PRR12: variants seen among roughly 807,000 people sequenced by gnomAD.
The protein encoded by PRR12 is proline-rich protein 12.
PRR12 carries 12 observed loss-of-function variants against 138.0 expected under a neutral mutation model. That is an observed-to-expected ratio of 0.09 (90% confidence interval 0.06 to 0.14). PRR12 has a LOEUF of 0.14. Ranked by LOEUF, PRR12 falls within the 10% of genes least tolerant of loss-of-function variation. PRR12 has a pLI of 1.00. For synonymous variants in PRR12, 1,567 were observed against 1,291.7 expected (o/e 1.21, Z -4.57); for missense variants, 2,692 against 2,861.3 (o/e 0.94, Z 1.35).
At chr19:49,600,146 A>G (rs2080802128) in intron 5 of PRR12, among the ~76,000 whole-genome samples, 1 of 152,192 alleles carries the variant, frequency 6.6e-6, no homozygotes, top group South Asian at 2.1e-4. Context: ...TAAGTGGACT[A>G]GGAGGGGCCC....
At position 49,625,380 on chromosome 19, in the gene PRR12, C is replaced by T; in HGVS notation, c.5965-81C>T. On this transcript the variant is annotated intron_variant, in intron 13 of 13. Transcript: ENST00000418929. This position sits in a 1 kb window ranked among gnomAD's most constrained non-coding sequence, Gnocchi z 5.5. Reference sequence around the variant, plus strand: ...CTCCCTGGGACACTGACATCTGACACCCCAGGCCCCATGCCCCAGCCCCTT... The same window carrying T: ...CTCCCTGGGACACTGACATCTGACATCCCAGGCCCCATGCCCCAGCCCCTT... 1 of 1,472,626 alleles carries T rather than the reference C, an allele frequency of 6.8e-7. No homozygotes were observed. Among genetic ancestry groups the T allele is most frequent in the Non-Finnish European group, 9.1e-7 (1 of 1,093,664 alleles). 91.2% of individuals were successfully genotyped at this position (1,472,626 alleles called of 1,614,324 possible).
chr19:49,596,962 C>A lies in PRR12; in HGVS notation c.2627C>A (p.Pro876Gln). Residue 876 changes from proline (P) to glutamine (Q), a missense_variant, in exon 4 of 14, where the codon CCG becomes CAG. Pro to Gln is a moderately conservative substitution (Grantham distance 76). Transcript: ENST00000418929. The surrounding 1 kb of genome is among the most constrained non-coding windows in gnomAD (Gnocchi z 5.6). ...CTGCGACCCGAGGAGAGCCTGGATC[C>A]GCCAGGCGCCATGCAGGAATTGCTC... Reference protein sequence around the residue: ...PRLRPEESLDPPGAMQELLGA... With the variant: ...PRLRPEESLDQPGAMQELLGA... The A allele has an allele frequency of 1.9e-6, 3 of 1,552,104 alleles. No individual in the cohort carries two copies. The highest frequency in any genetic ancestry group is 1.2e-5 in the South Asian group (1 of 84,854).
intron 6 of PRR12, among the ~76,000 whole-genome samples, chr19:49,611,784 G>A (rs1447662878): frequency 2.0e-5 from 3 of 147,012 alleles, no homozygotes; most frequent in East Asian, 2.0e-4. Context: ...ATAGCCGGGC[G>A]TGGTGGCGGG....
intron 6 of PRR12, among the ~76,000 whole-genome samples, chr19:49,602,289 T>C (rs2080816697): frequency 6.6e-6 from 1 of 152,180 alleles, no homozygotes; most frequent in African/African-American, 2.4e-5. Flanking sequence ...AGGGAGCTTC[T>C]AGTTTAATGG....
chr19:49,608,869 A>G (rs772483542), intron 6 of PRR12, among the ~76,000 whole-genome samples: 7 of 152,040 alleles, frequency 4.6e-5, no homozygotes, highest in Non-Finnish European at 8.8e-5. Context: ...AAACAAATCA[A>G]TCTCAAAAGC....
At position 49,594,210 on chromosome 19, in the gene PRR12, C is replaced by G. The variant is rs147019186; in HGVS notation, c.200-244C>G. On this transcript the variant is annotated intron_variant, in intron 2 of 13. Transcript: ENST00000418929. This position sits in a 1 kb window ranked among gnomAD's most constrained non-coding sequence, Gnocchi z 5.6. ...TACACTTTTGTCTACCATTTCCTAC[C>G]TGGGCCCCCTGTCCTTATGACTGGA... Among the ~76,000 whole-genome samples, 1 of 152,312 alleles carries G rather than the reference C, an allele frequency of 6.6e-6. No homozygotes were observed. The highest frequency in any genetic ancestry group is 2.4e-5 in the African/African-American group (1 of 41,576).
In PRR12 at chr19:49,614,034, G is replaced by A. The variant is rs1237409544; in HGVS notation, c.4774-499G>A. Among the ~76,000 whole-genome samples, 2 of 152,060 alleles carry A rather than the reference G, an allele frequency of 1.3e-5. No individual in the cohort carries two copies. The highest frequency in any genetic ancestry group is 2.4e-5 in the African/African-American group (1 of 41,400). On this transcript the variant is annotated intron_variant, in intron 6 of 13. Transcript: ENST00000418929. The surrounding 1 kb of genome is among the most constrained non-coding windows in gnomAD (Gnocchi z 5.0). The stretch of plus-strand genomic sequence containing the variant: ...GAGGCAGAAGAATCGGCTTGAACCC[G>A]GGAGGCGGAGGTCGCAGTGAGCTGA...
rs755194595 is a variant in PRR12, at chr19:49,601,750, C to T, written c.4605C>T (p.Pro1535=). The T allele has an allele frequency of 2.5e-4, 385 of 1,568,148 alleles. No individual in the cohort carries two copies. Among genetic ancestry groups the T allele is most frequent in the South Asian group, 4.7e-4 (40 of 85,990 alleles). The change falls in exon 6 of 14, where the codon CCC becomes CCT. Residue 1535 remains proline, a synonymous_variant. Coordinates refer to ENST00000418929, the MANE Select transcript of PRR12 (RefSeq NM_020719.3). ...CTGAGGAGCCCGCCGCCCCGTCTCC[C>T]GAAGACCCCGAGCTGCCGGACACCC... ...APPEEPAAPS[P]EDPELPDTRP... is the part of the protein sequence containing the mutation.
rs1410773988 is a variant in PRR12, at chr19:49,594,774, G to A, written c.439G>A (p.Ala147Thr). 1.2e-6 allele frequency: 2 copies of A among 1,613,324 alleles called. No homozygotes were observed. Among genetic ancestry groups the A allele is most frequent in the South Asian group, 2.2e-5 (2 of 91,050 alleles). Residue 147 changes from alanine to threonine, a missense_variant, in exon 4 of 14, where the codon GCC (alanine) becomes ACC (threonine). This residue lies in a region of PRR12 where 211 missense variants were observed against 266.3 expected (regional missense o/e 0.79). Coordinates refer to ENST00000418929, the MANE Select transcript of PRR12 (RefSeq NM_020719.3). The surrounding 1 kb of genome is among the most constrained non-coding windows in gnomAD (Gnocchi z 5.6). ...TTCCAGCACCTTTCCGTCCTCATCT[G>A]CCCTGTCGGCTTACCAACACCCGGC... ...PGSSTFPSSS[A>T]LSAYQHPASF...
intron 6 of PRR12, among the ~76,000 whole-genome samples, chr19:49,612,467 G>T (rs2080871848): frequency 6.6e-6 from 1 of 152,052 alleles, no homozygotes; most frequent in Non-Finnish European, 1.5e-5. Flanking sequence ...CTGATGACTG[G>T]GTGTGGGGTG....
chr19:49,609,704 G>A (rs545334336), intron 6 of PRR12, among the ~76,000 whole-genome samples: 4 of 152,136 alleles, frequency 2.6e-5, no homozygotes, highest in Non-Finnish European at 5.9e-5. Flanking sequence ...GGGAAAGCAC[G>A]CTGTGTTTGA....
rs1055675488 is a variant in PRR12, at chr19:49,616,513, T to C, written c.5497+294T>C. The stretch of plus-strand genomic sequence containing the variant: ...AGAGGGCAGCACAGTCTGTGTTGGG[T>C]GCCCAGCAGAGTTGCAACTGAGCCC... On this transcript the variant is annotated intron_variant, in intron 9 of 13. Transcript: ENST00000418929. The surrounding 1 kb of genome is among the most constrained non-coding windows in gnomAD (Gnocchi z 4.2). Among the ~76,000 whole-genome samples, 2 of 152,096 alleles carry C rather than the reference T, an allele frequency of 1.3e-5. No individual in the cohort carries two copies. The highest frequency in any genetic ancestry group is 4.8e-5 in the African/African-American group (2 of 41,418).
At chr19:49,619,359 C>A (rs888585067) in intron 9 of PRR12, among the ~76,000 whole-genome samples, 1 of 150,964 alleles carries the variant, frequency 6.6e-6, no homozygotes, top group Non-Finnish European at 1.5e-5. Flanking sequence ...CCTCAGCCTC[C>A]CGAGTCGCTG....
intron 6 of PRR12, among the ~76,000 whole-genome samples, chr19:49,608,693 A>ATTCAAAAG (rs2080850419): frequency 6.6e-6 from 1 of 151,968 alleles, no homozygotes; most frequent in Non-Finnish European, 1.5e-5. Flanking sequence ...AAAAAAACTT[A>ATTCAAAAG]ACCAGACATG....
chr19:49,593,456 G>A lies in PRR12; in HGVS notation c.199+17G>A, dbSNP rs879823838. On this transcript the variant is annotated intron_variant, in intron 2 of 13. Transcript: ENST00000418929. Reference sequence around the variant, plus strand: ...ACCCGGCAGGTACGGCCCCCATCCCGCCCCGCTTTGGGCTGGCCCTCCCCC... The same window carrying A: ...ACCCGGCAGGTACGGCCCCCATCCCACCCCGCTTTGGGCTGGCCCTCCCCC... 5 of 922,250 alleles carry A rather than the reference G, an allele frequency of 5.4e-6. No individual in the cohort carries two copies. The highest frequency in any genetic ancestry group is 7.0e-6 in the Non-Finnish European group (5 of 711,068). The allele number at this position is 922,250 out of a possible 1,614,324, so 57.1% of individuals were successfully genotyped here.
In PRR12 at chr19:49,594,165, C is replaced by CT. The variant is rs1329056214; in HGVS notation, c.200-286dup. 6.6e-6 allele frequency among the ~76,000 whole-genome samples: 1 copy of CT among 152,180 alleles called. No homozygotes were observed. The stretch of plus-strand genomic sequence containing the variant: ...GGACTCTGTTCTTTTGCTCCTGGCT[C>CT]TTTCGCTTCTAGATTTTTCTACACT... On this transcript the variant is annotated intron_variant, in intron 2 of 13. Transcript: ENST00000418929. The surrounding 1 kb of genome is among the most constrained non-coding windows in gnomAD (Gnocchi z 5.6).
rs1041660172 is a variant in PRR12, at chr19:49,597,485, G to C, written c.3150G>C (p.Ala1050=). The change falls in exon 4 of 14, where the codon GCG becomes GCC. Residue 1050 remains alanine (A), a synonymous_variant. Coordinates refer to ENST00000418929, the MANE Select transcript of PRR12 (RefSeq NM_020719.3). The surrounding 1 kb of genome is among the most constrained non-coding windows in gnomAD (Gnocchi z 6.3). Reference sequence around the variant, plus strand: ...CGCCTCCGCCACCGCCGCCTCCCGCGCCGGCCTCCGAACCCAAGGGTGGCC... The same window carrying C: ...CGCCTCCGCCACCGCCGCCTCCCGCCCCGGCCTCCGAACCCAAGGGTGGCC... ...PPPPPPPPPP[A]PASEPKGGLT... 3 of 1,547,092 alleles carry C rather than the reference G, an allele frequency of 1.9e-6. No homozygotes were observed. The highest frequency in any genetic ancestry group is 3.9e-5 in the Admixed American group (2 of 51,020).
chr19:49,611,889 C>T (rs186182879), intron 6 of PRR12, among the ~76,000 whole-genome samples: 3,786 of 122,082 alleles, frequency 0.031, 66 homozygotes, highest in South Asian at 0.12. Context: ...CGCCACTGCA[C>T]TCCAGCCTGG....
Position 49,596,965 on chromosome 19 carries a change from C to G in PRR12, c.2630C>G (p.Pro877Arg). 1 of 1,553,518 alleles carries G rather than the reference C, an allele frequency of 6.4e-7. No individual in the cohort carries two copies. The highest frequency in any genetic ancestry group is 8.7e-7 in the Non-Finnish European group (1 of 1,153,934). Residue 877 changes from proline to arginine, a missense_variant, in exon 4 of 14, where the codon CCA (proline) becomes CGA (arginine). Pro to Arg is a moderately radical substitution (Grantham distance 103). Transcript: ENST00000418929. This position sits in a 1 kb window ranked among gnomAD's most constrained non-coding sequence, Gnocchi z 5.6. ...CGACCCGAGGAGAGCCTGGATCCGC[C>G]AGGCGCCATGCAGGAATTGCTCGGG... ...RLRPEESLDPPGAMQELLGAL... is the reference protein window; with the variant it reads ...RLRPEESLDPRGAMQELLGAL...
Sources: allele counts gnomAD v4.1 joint callset (sites outside exome capture counted in the v4.1 genomes callset), GRCh38; gene constraint gnomAD v4.1.1; regional missense constraint gnomAD v4.1.1; non-coding constraint Gnocchi (gnomAD v3.1); transcripts MANE v1.5; gene names NCBI Gene and HGNC (gene_info 2026-07-23, HGNC 2026-07-21).